SKI: variants seen among roughly 807,000 people sequenced by gnomAD.
The protein encoded by SKI is SKI proto-oncogene.
SKI carries 23 observed loss-of-function variants against 59.3 expected under a neutral mutation model. The ratio of observed to expected loss-of-function variants is 0.39; its 90% CI spans 0.28 to 0.55. SKI has a LOEUF of 0.55. Ranked by LOEUF, SKI falls within the 20% of genes least tolerant of loss-of-function variation. The probability of loss-of-function intolerance (pLI) is 0.67; values close to 1 mark genes in which losing one functional copy is unlikely to be tolerated. For missense variants in SKI, 1,017 were observed against 1,038.9 expected (o/e 0.98, Z 0.29); for synonymous variants, 673 against 488.6 (o/e 1.38, Z -4.98).
At chr1:2,292,156 C>T (rs901660181) in intron 1 of SKI, among the ~76,000 whole-genome samples, 1 of 152,240 alleles carries the variant, frequency 6.6e-6, no homozygotes, top group Non-Finnish European at 1.5e-5. Context: ...GGGTTTGTCT[C>T]TAGAGTGCCT....
intron 1 of SKI, among the ~76,000 whole-genome samples, chr1:2,241,558 A>C (rs1638873859): frequency 6.6e-6 from 1 of 151,954 alleles, no homozygotes; most frequent in African/African-American, 2.4e-5. Context: ...GTGCCCGGCT[A>C]ATTTTTTTGT....
At chr1:2,300,861 C>T (rs1640407172) in intron 1 of SKI, among the ~76,000 whole-genome samples, 1 of 152,162 alleles carries the variant, frequency 6.6e-6, no homozygotes, top group South Asian at 2.1e-4. Flanking sequence ...CCTCGGCCAC[C>T]CCCCACTGAG....
intron 1 of SKI, among the ~76,000 whole-genome samples, chr1:2,252,948 T>C (rs906010739): frequency 3.3e-5 from 5 of 151,802 alleles, no homozygotes; most frequent in Non-Finnish European, 7.4e-5. Flanking sequence ...ATACAAAAAT[T>C]AGCCGGGCGT....
At chr1:2,276,805 T>C (rs976965906) in intron 1 of SKI, among the ~76,000 whole-genome samples, 2 of 152,196 alleles carry the variant, frequency 1.3e-5, no homozygotes, top group African/African-American at 4.8e-5. Context: ...GGAACCCCGA[T>C]GAAGAGCCCG....
intron 1 of SKI, among the ~76,000 whole-genome samples, chr1:2,272,210 G>A (rs1167157948): frequency 4.6e-5 from 7 of 152,232 alleles, no homozygotes; most frequent in African/African-American, 1.2e-4. Context: ...CACGAGGGCC[G>A]GCCTTTCCGG....
At position 2,229,554 on chromosome 1, in the gene SKI, C is replaced by T; in HGVS notation, c.788C>T (p.Ser263Leu). The T allele has an allele frequency of 6.2e-7, 1 of 1,611,388 alleles. No individual in the cohort carries two copies. The highest frequency in any genetic ancestry group is 8.5e-7 in the Non-Finnish European group (1 of 1,179,956). ...CCGCCGCACAAGTTCGTGGTGCACT[C>T]GCACAAGGCCCTGGAGAACCGGACC... ...MYPPHKFVVH[S>L]HKALENRTCH... is the part of the protein sequence containing the mutation. The change falls in exon 1 of 7, where the codon TCG becomes TTG. Residue 263 changes from serine to leucine, a missense_variant. Ser to Leu is a moderately radical substitution (Grantham distance 145, BLOSUM62 -2). Coordinates refer to ENST00000378536, the MANE Select transcript of SKI (RefSeq NM_003036.4). The surrounding 1 kb of genome is among the most constrained non-coding windows in gnomAD (Gnocchi z 6.3).
In SKI at chr1:2,306,797, A is replaced by G. The variant is rs1439908033; in HGVS notation, c.*32A>G. 6.2e-6 allele frequency: 9 copies of G among 1,459,738 alleles called. No individual in the cohort carries two copies. In the African/African-American group the frequency reaches 8.9e-5, roughly 15 times the overall value. 90.4% of individuals were successfully genotyped at this position (1,459,738 alleles called of 1,614,324 possible). ...TGCCTGCCGCCGCAGCGCCGCCGAC[A>G]ACGCGGGTGCAGGGGGGCGCGGCTG... On this transcript the variant is annotated 3_prime_UTR_variant, in exon 7 of 7. Coordinates refer to ENST00000378536, the MANE Select transcript of SKI (RefSeq NM_003036.4).
intron 1 of SKI, among the ~76,000 whole-genome samples, chr1:2,275,848 G>A (rs555097384): frequency 6.6e-6 from 1 of 152,268 alleles, no homozygotes; most frequent in African/African-American, 2.4e-5. Context: ...CTGGCCCCTG[G>A]CTCTTTGGGA....
chr1:2,307,960 T>C lies in SKI; in HGVS notation c.*1195T>C, dbSNP rs1640640420. 6.6e-6 allele frequency: 1 copy of C among 152,544 alleles called. No individual in the cohort carries two copies. The highest frequency in any genetic ancestry group is 2.4e-5 in the African/African-American group (1 of 41,444). The allele number at this position is 152,544 out of a possible 1,614,324, so 9.4% of individuals were successfully genotyped here. ...CAGCAAATCCTGACTCGTGTCTTTTTACCCCCAAGATATCTGTCTTCAGTA... is the reference window on the plus strand; with the variant it reads ...CAGCAAATCCTGACTCGTGTCTTTTCACCCCCAAGATATCTGTCTTCAGTA... On this transcript the variant is annotated 3_prime_UTR_variant, in exon 7 of 7. Transcript: ENST00000378536.
intron 1 of SKI, chr1:2,240,618 G>C (rs1235083410): frequency 1.0e-6 from 1 of 985,340 alleles, no homozygotes; most frequent in Non-Finnish European, 1.2e-6. Flanking sequence ...GTTCTCTTTA[G>C]CCCGAAGTAA....
intron 4 of SKI, 84 bp downstream of exon 4, chr1:2,304,186 G>A: frequency 8.9e-6 from 14 of 1,580,178 alleles, no homozygotes; most frequent in East Asian, 4.7e-5. Context: ...CCGGGGGTGC[G>A]TTGGTGGCCC....
intron 1 of SKI, among the ~76,000 whole-genome samples, chr1:2,293,285 C>T (rs1640204649): frequency 6.6e-6 from 1 of 152,212 alleles, no homozygotes; most frequent in South Asian, 2.1e-4. Context: ...GTGGGATCCA[C>T]CGGCGTGGCC....
Position 2,306,900 on chromosome 1 carries a change from GTT to G in SKI, c.*137_*138del, listed in dbSNP as rs1004311037. On this transcript the variant is annotated 3_prime_UTR_variant, in exon 7 of 7. Transcript: ENST00000378536. ...TTACCGTGCCTATTACCAAGCGAGT[GTT>G]TGTAACCATGTAGTTTTGGAACCCA... is the stretch of plus-strand genomic sequence containing the variant. The G allele has an allele frequency of 2.2e-5, 13 of 584,198 alleles. No individual in the cohort carries two copies. Among genetic ancestry groups the G allele is most frequent in the Non-Finnish European group, 3.2e-5 (13 of 403,208 alleles). The allele number at this position is 584,198 out of a possible 1,614,324, so 36.2% of individuals were successfully genotyped here. A position where few individuals can be genotyped will look rare whatever the true frequency, so the allele number is the denominator to read the frequency against.
At chr1:2,257,549 C>G (rs961001666) in intron 1 of SKI, among the ~76,000 whole-genome samples, 11 of 152,078 alleles carry the variant, frequency 7.2e-5, no homozygotes, top group African/African-American at 2.4e-4. Flanking sequence ...TGCTTGAGCT[C>G]GAGACAATGC....
rs557791923 is a variant in SKI at position 2,306,618 on chromosome 1, C to T, written c.2040C>T (p.Asp680=). The T allele has an allele frequency of 3.2e-6, 5 of 1,544,872 alleles. No homozygotes were observed. In the African/African-American group the frequency reaches 4.1e-5, roughly 13 times the overall value. Residue 680 remains aspartate, a synonymous_variant, in exon 7 of 7, where the codon GAC becomes GAT. Coordinates refer to ENST00000378536, the MANE Select transcript of SKI (RefSeq NM_003036.4). The part of the protein sequence containing the change: ...LQVKLQHAEA[D]REQLRADLLR... The stretch of plus-strand genomic sequence containing the variant: ...TGAAGCTGCAGCACGCGGAGGCGGA[C>T]CGGGAGCAGCTGCGGGCCGACCTGC...
intron 5 of SKI, among the ~76,000 whole-genome samples, chr1:2,305,260 T>C (rs1463976771): frequency 6.6e-6 from 1 of 152,086 alleles, no homozygotes; most frequent in Non-Finnish European, 1.5e-5. Context: ...CTGAGGGAAG[T>C]GCGGTTCACA....
rs753070477 is a variant in SKI at position 2,228,993 on chromosome 1, T to A, written c.227T>A (p.Leu76Gln). The A allele has an allele frequency of 6.4e-7, 1 of 1,550,500 alleles. No individual in the cohort carries two copies. The highest frequency in any genetic ancestry group is 1.4e-5 in the African/African-American group (1 of 73,210). Reference protein sequence around the residue: ...AATEPPPVLHLPAIQPPPPVL... With the variant: ...AATEPPPVLHQPAIQPPPPVL... ...ACCGAGCCGCCGCCCGTGCTGCACC[T>A]GCCCGCCATCCAGCCGCCGCCGCCC... The change falls in exon 1 of 7, where the codon CTG becomes CAG. Residue 76 changes from leucine to glutamine, a missense_variant. Coordinates refer to ENST00000378536, the MANE Select transcript of SKI (RefSeq NM_003036.4).
chr1:2,260,591 A>G (rs1243879541), intron 1 of SKI, among the ~76,000 whole-genome samples: 5 of 120,550 alleles, frequency 4.1e-5, no homozygotes, highest in Admixed American at 1.2e-4. Context: ...CCCAGGCTAG[A>G]GCACAATCTT....
At chr1:2,260,529 C>G (rs79012979) in intron 1 of SKI, among the ~76,000 whole-genome samples, 1 of 51,324 alleles carries the variant, frequency 1.9e-5, no homozygotes, top group Non-Finnish European at 3.9e-5. Flanking sequence ...TCAGTTTGTT[C>G]TTTTTCTTTT....
Sources: gnomAD v4.1 joint callset for allele counts (sites outside exome capture counted in the v4.1 genomes callset) on GRCh38, gnomAD v4.1.1 for gene constraint, Gnocchi (gnomAD v3.1) non-coding constraint, MANE v1.5 for transcripts, NCBI Gene and HGNC (gene_info 2026-07-23, HGNC 2026-07-21) for gene names.